ALKBH5: variants seen among roughly 807,000 people sequenced by gnomAD.
ALKBH5 encodes alkB homolog 5, RNA demethylase, also known as RNA demethylase ALKBH5.
Under a neutral mutation model 32.1 loss-of-function variants are expected in ALKBH5, and 2 were observed. The observed-to-expected ratio is 0.06, with a 90% CI of 0.03 to 0.20. The LOEUF (loss-of-function observed/expected upper bound fraction) is 0.20. Ranked by LOEUF, ALKBH5 falls within the 10% of genes least tolerant of loss-of-function variation. ALKBH5 has a pLI of 1.00. For missense variants in ALKBH5, 352 were observed against 559.5 expected, an observed-to-expected ratio of 0.63 and a Z score of 3.74; for synonymous variants, 300 against 231.7, an observed-to-expected ratio of 1.29 and a Z score of -2.68.
intron 3 of ALKBH5, 120 bp downstream of exon 3, chr17:18,207,090 A>G (rs1388496952): frequency 7.4e-7 from 1 of 1,343,714 alleles, no homozygotes; most frequent in African/African-American, 1.5e-5. Context: ...TCAAAACCTT[A>G]TGTCTGGTTC....
rs565221204 is a variant in ALKBH5, at chr17:18,200,112, A to AAT, written c.851+5077_851+5078insAT. 9.6e-3 allele frequency among the ~76,000 whole-genome samples: 1,303 copies of AAT among 135,484 alleles called. 30 individuals are homozygous for AAT. Among genetic ancestry groups the AAT allele is most frequent in the African/African-American group, 0.034 (1,188 of 34,870 alleles). The allele number at this position is 135,484 out of a possible 152,430, so 88.9% of individuals were successfully genotyped here. ...ACTCCATCTCAAAAAAAAAAAAAAA[A>AAT]TTTTTTTTTTTTTTAAATTACATCC... On this transcript the variant is annotated intron_variant, in intron 2 of 3. Transcript: ENST00000399138.
In ALKBH5 at chr17:18,185,031, AG is replaced by A. The variant is rs760709418; in HGVS notation, c.770+23del. The A allele has an allele frequency of 6.3e-7, 1 of 1,597,438 alleles. No individual in the cohort carries two copies. Among genetic ancestry groups the A allele is most frequent in the African/African-American group, 1.3e-5 (1 of 74,898 alleles). On this transcript the variant is annotated intron_variant, in intron 1 of 3. Coordinates refer to ENST00000399138, the MANE Select transcript of ALKBH5 (RefSeq NM_017758.4). ...GTGCTCAGGTAACCCACCCGGGTGG[AG>A]GGGGCGGCCCTGCGCCTGCTGCCTT...
chr17:18,187,856 AG>A (rs1308954958), intron 1 of ALKBH5, among the ~76,000 whole-genome samples: 1 of 152,188 alleles, frequency 6.6e-6, no homozygotes, highest in Admixed American at 6.5e-5. Context: ...GAGGGATTCT[AG>A]TAGTAGGCAT....
At chr17:18,199,128 G>A (rs2047221251) in intron 2 of ALKBH5, among the ~76,000 whole-genome samples, 1 of 152,194 alleles carries the variant, frequency 6.6e-6, no homozygotes, top group Non-Finnish European at 1.5e-5. Flanking sequence ...AATGTTATGA[G>A]TATGTAGGGG....
intron 2 of ALKBH5, among the ~76,000 whole-genome samples, chr17:18,205,568 C>T (rs2047264776): frequency 2.6e-5 from 4 of 152,238 alleles, no homozygotes. Context: ...TCTTGCCTGT[C>T]AGGCTTGAAG....
chr17:18,184,657 C>T lies in ALKBH5; in HGVS notation c.414C>T (p.Gly138=). The change falls in exon 1 of 4, where the codon GGC becomes GGT. Residue 138 remains glycine, a synonymous_variant. Transcript: ENST00000399138. Reference sequence around the variant, plus strand: ...GCAACAAGTACTTCTTCGGCGAAGGCTACACTTACGGCGCCCAGCTGCAGA... The same window carrying T: ...GCAACAAGTACTTCTTCGGCGAAGGTTACACTTACGGCGCCCAGCTGCAGA... The part of the protein sequence containing the change: ...PLRNKYFFGE[G]YTYGAQLQKR... 6.2e-7 allele frequency: 1 copy of T among 1,612,926 alleles called. No homozygotes were observed. The highest frequency in any genetic ancestry group is 2.2e-5 in the East Asian group (1 of 44,870).
intron 2 of ALKBH5, among the ~76,000 whole-genome samples, chr17:18,200,265 G>A (rs2047228897): frequency 6.6e-6 from 1 of 152,036 alleles, no homozygotes; most frequent in Non-Finnish European, 1.5e-5. Flanking sequence ...TTCTGTAGAT[G>A]AGGAATGAAA....
At chr17:18,201,512 C>G (rs2142484888) in intron 2 of ALKBH5, among the ~76,000 whole-genome samples, 1 of 152,276 alleles carries the variant, frequency 6.6e-6, no homozygotes, top group Non-Finnish European at 1.5e-5. Flanking sequence ...AATCCCAGCA[C>G]TTTGGGAAGC....
At chr17:18,207,062 C>T (rs1273244607) in intron 3 of ALKBH5, 92 bp downstream of exon 3, 1 of 1,489,112 alleles carries the variant, frequency 6.7e-7, no homozygotes, top group Middle Eastern at 1.8e-4. Context: ...GTTTAGGAGC[C>T]TTGGCTTGCT....
At chr17:18,192,555 CTG>C (rs1028454616) in intron 1 of ALKBH5, among the ~76,000 whole-genome samples, 3 of 152,132 alleles carry the variant, frequency 2.0e-5, no homozygotes, top group Admixed American at 6.5e-5. Flanking sequence ...GATGAAGAAA[CTG>C]TACAGGTTTT....
intron 1 of ALKBH5, among the ~76,000 whole-genome samples, chr17:18,192,816 A>G (rs1222887227): frequency 2.0e-5 from 3 of 151,794 alleles, no homozygotes; most frequent in African/African-American, 4.8e-5. Context: ...GTATTTTACA[A>G]ATTGATTTCA....
Position 18,184,388 on chromosome 17 carries a change from G to C in ALKBH5, c.145G>C (p.Glu49Gln). The C allele has an allele frequency of 1.3e-6, 2 of 1,535,532 alleles. No homozygotes were observed. Among genetic ancestry groups the C allele is most frequent in the Non-Finnish European group, 1.7e-6 (2 of 1,143,060 alleles). The change falls in exon 1 of 4, where the codon GAA (glutamate) becomes CAA (glutamine). Residue 49 changes from glutamate (E) to glutamine (Q), a missense_variant. Around this residue, in one of 4 missense-constraint regions of ALKBH5, gnomAD observed 144 missense variants for 125.8 expected, o/e 1.14. Transcript: ENST00000399138. ...AAAAAAAAAA[E>Q]PYPVSGAKRK... ...CGCAGCCGCAGCCGCCGCTGCCGCC[G>C]AACCTTACCCTGTGTCCGGGGCCAA... is the stretch of plus-strand genomic sequence containing the variant.
chr17:18,186,760 C>G (rs978384509), intron 1 of ALKBH5, among the ~76,000 whole-genome samples: 2 of 152,208 alleles, frequency 1.3e-5, no homozygotes, highest in African/African-American at 4.8e-5. Flanking sequence ...TGGATTCAGA[C>G]TTGGCTGTGG....
chr17:18,184,752 A>T lies in ALKBH5; in HGVS notation c.509A>T (p.Gln170Leu). ...GACGAGATCCCCGAGTGGGTGCACC[A>T]GCTGGTGATCCAAAAGCTGGTGGAG... ...DVDEIPEWVH[Q>L]LVIQKLVEHR... Residue 170 changes from glutamine (Q) to leucine (L), a missense_variant, in exon 1 of 4, where the codon CAG becomes CTG. Around this residue, in one of 4 missense-constraint regions of ALKBH5, gnomAD observed 56 missense variants for 238.1 expected, o/e 0.24. Coordinates refer to ENST00000399138, the MANE Select transcript of ALKBH5 (RefSeq NM_017758.4). The T allele has an allele frequency of 6.2e-7, 1 of 1,613,706 alleles. No individual in the cohort carries two copies. Among genetic ancestry groups the T allele is most frequent in the Non-Finnish European group, 8.5e-7 (1 of 1,179,948 alleles).
At chr17:18,200,368 T>G (rs1279060387) in intron 2 of ALKBH5, among the ~76,000 whole-genome samples, 2 of 152,160 alleles carry the variant, frequency 1.3e-5, no homozygotes, top group East Asian at 1.9e-4. Flanking sequence ...ACCCAATCCC[T>G]TGGTTTTTAG....
intron 1 of ALKBH5, among the ~76,000 whole-genome samples, chr17:18,193,544 CA>C (rs536568816): frequency 0.012 from 1,610 of 134,612 alleles, 14 homozygotes; most frequent in African/African-American, 0.031. Context: ...GAGACTGTCT[CA>C]AAAAAAAAAA....
At chr17:18,200,084 G>A (rs1410840058) in intron 2 of ALKBH5, among the ~76,000 whole-genome samples, 4 of 144,746 alleles carry the variant, frequency 2.8e-5, no homozygotes, top group Non-Finnish European at 6.0e-5. Flanking sequence ...GAGACAGAGC[G>A]AGACTCCATC....
rs760791927 is a variant in ALKBH5, at chr17:18,184,035, C to G, written c.-209C>G. The G allele has an allele frequency of 1.9e-5, 13 of 675,632 alleles. No individual in the cohort carries two copies. The highest frequency in any genetic ancestry group is 3.2e-5 in the Non-Finnish European group (12 of 372,338). The allele number at this position is 675,632 out of a possible 1,614,324, so 41.9% of individuals were successfully genotyped here. A position where few individuals can be genotyped will look rare whatever the true frequency, so the allele number is the denominator to read the frequency against. ...GAGAAGGTGGAGGAGGAAGAAGCCC[C>G]GTTGTCGCCACCGTTGCATGACCCG... On this transcript the variant is annotated 5_prime_UTR_variant, in exon 1 of 4. Coordinates refer to ENST00000399138, the MANE Select transcript of ALKBH5 (RefSeq NM_017758.4).
In ALKBH5 at chr17:18,190,274, G is replaced by A. The variant is rs551954298; in HGVS notation, c.771-4681G>A. On this transcript the variant is annotated intron_variant, in intron 1 of 3. Transcript: ENST00000399138. ...TCTTTAAAGAATTTTTCAGGGCCAG[G>A]TGCGGTGGCTCATGCCTGTAATCCC... 1.2e-4 allele frequency among the ~76,000 whole-genome samples: 19 copies of A among 152,346 alleles called. No homozygotes were observed. In the East Asian group the frequency reaches 2.9e-3, roughly 23 times the overall value.
Sources: gnomAD v4.1 joint callset for allele counts (sites outside exome capture counted in the v4.1 genomes callset) on GRCh38, gnomAD v4.1.1 for gene constraint, gnomAD v4.1.1 regional missense constraint, MANE v1.5 for transcripts, NCBI Gene and HGNC (gene_info 2026-07-23, HGNC 2026-07-21) for gene names.